Variants in TWIST2 observed in about 807,000 individuals in gnomAD.
The protein encoded by TWIST2 is twist family bHLH transcription factor 2, also known as twist-related protein 2.
TWIST2 carries 1 observed loss-of-function variant against 11.6 expected under a neutral mutation model. That is an observed-to-expected ratio of 0.09 (90% confidence interval 0.03 to 0.41). TWIST2 has a LOEUF of 0.41. Among genes scored for constraint, TWIST2 ranks in the 10% least tolerant of loss-of-function variants. The pLI is 0.98. For synonymous variants in TWIST2, 87 were observed against 96.6 expected (o/e 0.90, Z 0.58); for missense variants, 168 against 226.4 (o/e 0.74, Z 1.66).
Position 238,903,049 on chromosome 2 carries a change from G to T in TWIST2, c.*36-6793G>T, listed in dbSNP as rs1368767670. On this transcript the variant is annotated intron_variant, in intron 1 of 1. Coordinates refer to ENST00000612363, the MANE Select transcript of TWIST2 (RefSeq NM_001271893.4). Reference sequence around the variant, plus strand: ...GGTGTGTGTGATGTGTGAGGTGTGTGTGATGTGTGTGTGATGTAGTGTGTG... The same window carrying T: ...GGTGTGTGTGATGTGTGAGGTGTGTTTGATGTGTGTGTGATGTAGTGTGTG... Among the ~76,000 whole-genome samples, 2 of 127,746 alleles carry T rather than the reference G, an allele frequency of 1.6e-5. 1 individual carries two copies. Among genetic ancestry groups the T allele is most frequent in the Admixed American group, 1.6e-4 (2 of 12,524 alleles). 83.8% of individuals were successfully genotyped at this position (127,746 alleles called of 152,430 possible). A position where few individuals can be genotyped will look rare whatever the true frequency, so the allele number is the denominator to read the frequency against.
At chr2:238,872,934 G>A (rs1313635663) in intron 1 of TWIST2, among the ~76,000 whole-genome samples, 1 of 152,178 alleles carries the variant, frequency 6.6e-6, no homozygotes, top group Non-Finnish European at 1.5e-5. Flanking sequence ...CTTCTGCTGG[G>A]TGCTGGAGAC....
chr2:238,851,399 T>G (rs1692238335), intron 1 of TWIST2, among the ~76,000 whole-genome samples: 1 of 152,206 alleles, frequency 6.6e-6, no homozygotes, highest in Non-Finnish European at 1.5e-5. Flanking sequence ...GTATTCTCAT[T>G]AAATGCCTGA....
Position 238,894,445 on chromosome 2 carries a change from C to T in TWIST2, c.*36-15397C>T, listed in dbSNP as rs1380209943. Among the ~76,000 whole-genome samples the T allele has an allele frequency of 9.8e-5, 15 of 152,340 alleles. 1 individual carries two copies. The highest frequency in any genetic ancestry group is 7.7e-4 in the East Asian group (4 of 5,174). On this transcript the variant is annotated intron_variant, in intron 1 of 1. Transcript: ENST00000612363. ...CTGTGTCTGGTGGGTGGCCCCTTGC[C>T]GCCTGCACAGCTGCTGTCTCCATGT...
At chr2:238,907,467 C>T (rs1693372107) in intron 1 of TWIST2, among the ~76,000 whole-genome samples, 1 of 152,246 alleles carries the variant, frequency 6.6e-6, no homozygotes, top group Admixed American at 6.5e-5. Flanking sequence ...AGCGCCTGAG[C>T]GGGTTCTTTC....
chr2:238,865,237 C>T (rs984238455), intron 1 of TWIST2, among the ~76,000 whole-genome samples: 5 of 152,204 alleles, frequency 3.3e-5, no homozygotes, highest in African/African-American at 1.2e-4. Context: ...GAAGCAAACC[C>T]AGCCAGTCCA....
chr2:238,870,229 ATAC>A (rs1384279854), intron 1 of TWIST2, among the ~76,000 whole-genome samples: 2 of 19,982 alleles, frequency 1.0e-4, no homozygotes, highest in Admixed American at 6.9e-4. Flanking sequence ...CACACATCAC[ATAC>A]CACACACAAA....
chr2:238,860,311 T>C (rs1266455478), intron 1 of TWIST2, among the ~76,000 whole-genome samples: 1 of 152,218 alleles, frequency 6.6e-6, no homozygotes, highest in Non-Finnish European at 1.5e-5. Flanking sequence ...CTTCGGTTGC[T>C]CATTTTTCTT....
Position 238,880,036 on chromosome 2 carries a change from C to T in TWIST2, c.*36-29806C>T, listed in dbSNP as rs142274516. On this transcript the variant is annotated intron_variant, in intron 1 of 1. Coordinates refer to ENST00000612363, the MANE Select transcript of TWIST2 (RefSeq NM_001271893.4). Reference sequence around the variant, plus strand: ...GCTCTGGGCTGCCAACATTGTAGGGCGTTATTTAGTGTGAGTGTTAGTGTT... The same window carrying T: ...GCTCTGGGCTGCCAACATTGTAGGGTGTTATTTAGTGTGAGTGTTAGTGTT... Among the ~76,000 whole-genome samples the T allele has an allele frequency of 3.3e-3, 500 of 152,206 alleles. 4 individuals are homozygous for T. The highest frequency in any genetic ancestry group is 0.011 in the African/African-American group (474 of 41,506).
At chr2:238,877,855 T>C (rs909936327) in intron 1 of TWIST2, among the ~76,000 whole-genome samples, 3 of 152,164 alleles carry the variant, frequency 2.0e-5, no homozygotes, top group African/African-American at 7.2e-5. Context: ...AAGAAACTTA[T>C]GAAAAAGAAA....
intron 1 of TWIST2, among the ~76,000 whole-genome samples, chr2:238,893,886 C>G (rs1429796838): frequency 1.3e-5 from 2 of 152,140 alleles, no homozygotes; most frequent in African/African-American, 4.8e-5. Flanking sequence ...TACGACGCGC[C>G]GTCCTCCTGC....
At chr2:238,879,035 T>C (rs1199537582) in intron 1 of TWIST2, among the ~76,000 whole-genome samples, 2 of 152,226 alleles carry the variant, frequency 1.3e-5, no homozygotes, top group African/African-American at 4.8e-5. Flanking sequence ...TATAATACCA[T>C]GTCGCATGTA....
At chr2:238,896,516 G>T (rs894506943) in intron 1 of TWIST2, among the ~76,000 whole-genome samples, 4 of 152,188 alleles carry the variant, frequency 2.6e-5, no homozygotes, top group African/African-American at 9.6e-5. Context: ...CAAGTCACCA[G>T]CTGGCTCCCT....
chr2:238,883,505 A>G (rs1181488061), intron 1 of TWIST2, among the ~76,000 whole-genome samples: 1 of 152,250 alleles, frequency 6.6e-6, no homozygotes, highest in Non-Finnish European at 1.5e-5. Flanking sequence ...AAGGGACGGG[A>G]GATGCCAGAG....
intron 1 of TWIST2, among the ~76,000 whole-genome samples, chr2:238,859,796 T>TGCAC (rs1553566920): frequency 7.2e-5 from 11 of 152,136 alleles, no homozygotes; most frequent in Non-Finnish European, 1.0e-4. Context: ...CACACACACA[T>TGCAC]GCATGCACGC....
At chr2:238,878,703 A>G (rs552001054) in intron 1 of TWIST2, among the ~76,000 whole-genome samples, 1 of 152,230 alleles carries the variant, frequency 6.6e-6, no homozygotes, top group African/African-American at 2.4e-5. Context: ...CTCTGAGAAC[A>G]ATAGCAATGC....
At chr2:238,896,202 T>C in intron 1 of TWIST2, among the ~76,000 whole-genome samples, 1 of 152,256 alleles carries the variant, frequency 6.6e-6, no homozygotes, top group East Asian at 1.9e-4. Flanking sequence ...GACTGCACCC[T>C]GCCTACTGAC....
At chr2:238,861,684 C>G (rs1692439309) in intron 1 of TWIST2, among the ~76,000 whole-genome samples, 1 of 152,218 alleles carries the variant, frequency 6.6e-6, no homozygotes, top group Non-Finnish European at 1.5e-5. Context: ...ACAGCAAAGC[C>G]AGGCTTCCTG....
chr2:238,907,758 AAAACAC>A (rs1250658729), intron 1 of TWIST2, among the ~76,000 whole-genome samples: 1 of 58,858 alleles, frequency 1.7e-5, no homozygotes, highest in South Asian at 5.3e-4. Flanking sequence ...CACACACACA[AAAACAC>A]ACAAACACTC....
intron 1 of TWIST2, among the ~76,000 whole-genome samples, chr2:238,893,838 G>A (rs1693177367): frequency 6.6e-6 from 1 of 152,148 alleles, no homozygotes; most frequent in South Asian, 2.1e-4. Context: ...GCACCCGGCT[G>A]AGCCTGCTCT....
Sources: gnomAD v4.1 joint callset for allele counts (sites outside exome capture counted in the v4.1 genomes callset) on GRCh38, gnomAD v4.1.1 for gene constraint, MANE v1.5 for transcripts, NCBI Gene and HGNC (gene_info 2026-07-23, HGNC 2026-07-21) for gene names.